The following GPR39 variants were observed in gnomAD, a reference collection of about 807,000 sequenced individuals.
The protein encoded by GPR39 is G protein-coupled receptor 39.
A neutral mutation model predicts 18.4 loss-of-function variants in GPR39; 23 were observed. The ratio of observed to expected loss-of-function variants is 1.25; its 90% confidence interval spans 0.90 to 1.77. The LOEUF is 1.77. Ranked by LOEUF, GPR39 falls within the 40% of genes most tolerant of loss-of-function variation. The pLI is 0.00. For missense variants in GPR39, 647 were observed against 602.4 expected, an observed-to-expected ratio of 1.07 and a Z score of -0.78; for synonymous variants, 280 against 257.9, an observed-to-expected ratio of 1.09 and a Z score of -0.82.
intron 1 of GPR39, among the ~76,000 whole-genome samples, chr2:132,426,147 T>G (rs951399711): frequency 6.6e-6 from 1 of 152,200 alleles, no homozygotes; most frequent in East Asian, 1.9e-4. Flanking sequence ...CTTTGAAAAG[T>G]CTCACCTTCC....
chr2:132,501,394 T>A (rs1009663312), intron 1 of GPR39, among the ~76,000 whole-genome samples: 6 of 152,268 alleles, frequency 3.9e-5, no homozygotes, highest in Admixed American at 3.9e-4. Flanking sequence ...TTTTGAGAGT[T>A]CCTTTTAGAG....
Position 132,645,397 on chromosome 2 carries a change from G to C in GPR39, c.1153G>C (p.Ala385Pro). 6.2e-7 allele frequency: 1 copy of C among 1,613,622 alleles called. No individual in the cohort carries two copies. The highest frequency in any genetic ancestry group is 8.5e-7 in the Non-Finnish European group (1 of 1,180,008). Residue 385 changes from alanine to proline, a missense_variant, in exon 2 of 2, where the codon GCC becomes CCC. This residue lies in a region of GPR39 where 581 missense variants were observed against 506.8 expected (regional missense o/e 1.15). Transcript: ENST00000329321. ...RVHAHSTTDS[A>P]RFVQRPLLFA... ...ACATGCGCACTCCACCACCGACAGC[G>C]CCCGCTTTGTGCAGCGCCCGTTGCT...
intron 1 of GPR39, among the ~76,000 whole-genome samples, chr2:132,628,815 G>A (rs996003983): frequency 2.0e-5 from 3 of 151,986 alleles, no homozygotes; most frequent in Non-Finnish European, 2.9e-5. Flanking sequence ...CCACAATTGA[G>A]GATAAGACCT....
intron 1 of GPR39, among the ~76,000 whole-genome samples, chr2:132,495,991 A>C (rs2104800070): frequency 6.6e-6 from 1 of 152,020 alleles, no homozygotes; most frequent in South Asian, 2.1e-4. Context: ...CAAAGAGCAA[A>C]CCCTCTTTTT....
intron 1 of GPR39, among the ~76,000 whole-genome samples, chr2:132,467,717 C>G (rs1341864178): frequency 6.6e-6 from 1 of 152,088 alleles, no homozygotes; most frequent in Non-Finnish European, 1.5e-5. Context: ...ATACTTTTAC[C>G]CTAAGCTGTA....
At chr2:132,602,502 C>T (rs1681060642) in intron 1 of GPR39, among the ~76,000 whole-genome samples, 2 of 152,102 alleles carry the variant, frequency 1.3e-5, no homozygotes, top group South Asian at 4.2e-4. Flanking sequence ...TTGGGTAAGA[C>T]TTCAAAAGCA....
intron 1 of GPR39, among the ~76,000 whole-genome samples, chr2:132,436,447 C>T (rs1251177679): frequency 3.3e-5 from 5 of 152,112 alleles, no homozygotes; most frequent in Admixed American, 6.5e-5. Flanking sequence ...AACCAATTGT[C>T]CCCAGAATTC....
intron 1 of GPR39, among the ~76,000 whole-genome samples, chr2:132,611,329 G>C (rs562432736): frequency 1.3e-5 from 2 of 152,178 alleles, no homozygotes; most frequent in African/African-American, 4.8e-5. Flanking sequence ...AACCACGCCA[G>C]GTGGTGAAGA....
intron 1 of GPR39, among the ~76,000 whole-genome samples, chr2:132,525,272 C>G (rs1003335583): frequency 1.3e-5 from 2 of 152,178 alleles, no homozygotes; most frequent in African/African-American, 4.8e-5. Context: ...TCAGCTTGGC[C>G]ATTGACTGAG....
intron 1 of GPR39, among the ~76,000 whole-genome samples, chr2:132,571,420 CT>C (rs1169851056): frequency 6.6e-6 from 1 of 152,150 alleles, no homozygotes; most frequent in East Asian, 1.9e-4. Flanking sequence ...TCCAGGTCCT[CT>C]TGTGCAATTT....
chr2:132,528,403 G>A (rs1679550469), intron 1 of GPR39, among the ~76,000 whole-genome samples: 1 of 152,112 alleles, frequency 6.6e-6, no homozygotes, highest in Non-Finnish European at 1.5e-5. Context: ...GGATTGTCTT[G>A]GCTATACAGG....
chr2:132,442,783 G>A (rs1243727795), intron 1 of GPR39, among the ~76,000 whole-genome samples: 1 of 152,034 alleles, frequency 6.6e-6, no homozygotes, highest in Admixed American at 6.6e-5. Flanking sequence ...CTTACAATTT[G>A]TGGTTTCGGA....
At chr2:132,534,541 C>T (rs71413510) in intron 1 of GPR39, among the ~76,000 whole-genome samples, 36,166 of 141,304 alleles carry the variant, frequency 0.26, 5,457 homozygotes, top group East Asian at 0.66. Flanking sequence ...CATGCACACA[C>T]ATGTTTATTG....
chr2:132,592,197 C>A (rs996070057), intron 1 of GPR39, among the ~76,000 whole-genome samples: 5 of 152,132 alleles, frequency 3.3e-5, no homozygotes, highest in African/African-American at 1.2e-4. Flanking sequence ...TGTAGCATCC[C>A]AAATGGCAAT....
At chr2:132,503,324 A>G (rs1475949613) in intron 1 of GPR39, among the ~76,000 whole-genome samples, 1 of 151,980 alleles carries the variant, frequency 6.6e-6, no homozygotes, top group African/African-American at 2.4e-5. Context: ...GCTGAACTCT[A>G]GTGATTACTT....
intron 1 of GPR39, among the ~76,000 whole-genome samples, chr2:132,545,784 G>C (rs1679938063): frequency 6.6e-6 from 1 of 152,048 alleles, no homozygotes; most frequent in Admixed American, 6.6e-5. Flanking sequence ...TCAGTCTGGG[G>C]GCAGGCCTGG....
chr2:132,572,506 A>G (rs1202015997), intron 1 of GPR39, among the ~76,000 whole-genome samples: 1 of 151,232 alleles, frequency 6.6e-6, no homozygotes, highest in Admixed American at 6.6e-5. Context: ...GAGAGCTTTT[A>G]TTAGTCAGAA....
At chr2:132,426,780 G>T (rs1175455611) in intron 1 of GPR39, among the ~76,000 whole-genome samples, 1 of 152,196 alleles carries the variant, frequency 6.6e-6, no homozygotes, top group African/African-American at 2.4e-5. Context: ...AAGGTGGCTA[G>T]GTAGTTGGAG....
intron 1 of GPR39, among the ~76,000 whole-genome samples, chr2:132,423,904 G>A (rs1680065883): frequency 6.6e-6 from 1 of 152,166 alleles, no homozygotes; most frequent in Non-Finnish European, 1.5e-5. Flanking sequence ...GAATGAATGA[G>A]CCTCAGCTTG....
Sources: allele counts gnomAD v4.1 joint callset (sites outside exome capture counted in the v4.1 genomes callset), GRCh38; gene constraint gnomAD v4.1.1; regional missense constraint gnomAD v4.1.1; transcripts MANE v1.5; gene names NCBI Gene and HGNC (gene_info 2026-07-23, HGNC 2026-07-21).